The following RALGAPA2 variants were observed in gnomAD, a reference collection of about 807,000 sequenced individuals.
RALGAPA2 encodes ral GTPase-activating protein subunit alpha-2.
Under a neutral mutation model 230.4 loss-of-function variants are expected in RALGAPA2, and 139 were observed. The ratio of observed to expected loss-of-function variants is 0.60; its 90% CI spans 0.53 to 0.69. The LOEUF is 0.69. Among genes scored for constraint, RALGAPA2 ranks in the 30% least tolerant of loss-of-function variants. The pLI, the probability that RALGAPA2 is intolerant of heterozygous loss-of-function variation, is 0.00. For synonymous variants in RALGAPA2, 847 were observed against 837.8 expected (o/e 1.01, Z -0.19); for missense variants, 2,163 against 2,276.0 (o/e 0.95, Z 1.01).
chr20:20,529,395 A>T lies in RALGAPA2; in HGVS notation c.3582+2292T>A, dbSNP rs184275767. 2.1e-3 allele frequency among the ~76,000 whole-genome samples: 321 copies of T among 152,194 alleles called. 2 individuals carry two copies. Among genetic ancestry groups the T allele is most frequent in the Non-Finnish European group, 3.5e-3 (240 of 68,000 alleles). ...TCTGGTGTCTTATATTTTCCCCCAT[A>T]ATTATAGAAAAGTTGCAGAAAGAAT... On this transcript the variant is annotated intron_variant, in intron 27 of 39. Coordinates refer to ENST00000202677, the MANE Select transcript of RALGAPA2 (RefSeq NM_020343.4).
intron 16 of RALGAPA2, among the ~76,000 whole-genome samples, chr20:20,592,235 C>T (rs1032230410): frequency 6.6e-6 from 1 of 152,172 alleles, no homozygotes; most frequent in African/African-American, 2.4e-5. Flanking sequence ...CCTCTTAAAA[C>T]CCACCAAAGC....
intron 3 of RALGAPA2, among the ~76,000 whole-genome samples, chr20:20,669,421 TC>T (rs1169788229): frequency 6.6e-6 from 1 of 152,156 alleles, no homozygotes; most frequent in East Asian, 1.9e-4. Flanking sequence ...AGATAGTGGC[TC>T]AGAGCATGTT....
chr20:20,459,704 A>G (rs535030680), intron 37 of RALGAPA2, among the ~76,000 whole-genome samples: 10 of 152,336 alleles, frequency 6.6e-5, no homozygotes, highest in African/African-American at 2.4e-4. Context: ...CAGCGTATGA[A>G]TATCTTTTTG....
chr20:20,597,189 T>C (rs183381192), intron 16 of RALGAPA2, among the ~76,000 whole-genome samples: 13 of 152,284 alleles, frequency 8.5e-5, no homozygotes, highest in Admixed American at 3.3e-4. Context: ...AGAAAACTTT[T>C]CACCATGAAA....
chr20:20,633,440 G>C (rs2066754632), intron 9 of RALGAPA2, among the ~76,000 whole-genome samples: 1 of 150,830 alleles, frequency 6.6e-6, no homozygotes, highest in South Asian at 2.1e-4. Flanking sequence ...CAGCCTACTG[G>C]GTCTTATTTC....
At chr20:20,536,908 C>T in intron 24 of RALGAPA2, 124 bp from the exon 25 acceptor site, 1 of 1,132,414 alleles carries the variant, frequency 8.8e-7, no homozygotes, top group Admixed American at 3.0e-5. Flanking sequence ...TATTCTCTTC[C>T]AAGTGCATAT....
At chr20:20,422,292 T>C (rs529878207) in intron 37 of RALGAPA2, among the ~76,000 whole-genome samples, 55 of 152,324 alleles carry the variant, frequency 3.6e-4, no homozygotes, top group Admixed American at 9.8e-4. Context: ...CTGTGAATTA[T>C]ATCTCAATAA....
Position 20,493,685 on chromosome 20 carries a change from T to C in RALGAPA2, c.5367+1432A>G, listed in dbSNP as rs116676481. The stretch of plus-strand genomic sequence containing the variant: ...TATTAAAGAAACACATTTCCTCTTT[T>C]TGAAAGCTATAAGACACTAAATTCA... On this transcript the variant is annotated intron_variant, in intron 36 of 39. Transcript: ENST00000202677. Among the ~76,000 whole-genome samples the C allele has an allele frequency of 6.4e-3, 977 of 152,302 alleles. 10 individuals are homozygous for C. Among genetic ancestry groups the C allele is most frequent in the African/African-American group, 0.022 (928 of 41,568 alleles).
intron 16 of RALGAPA2, among the ~76,000 whole-genome samples, chr20:20,594,432 T>G (rs921146512): frequency 7.9e-5 from 12 of 152,096 alleles, no homozygotes; most frequent in Non-Finnish European, 1.8e-4. Flanking sequence ...GAAAATCATT[T>G]TAATAGTGAT....
At chr20:20,632,785 GC>G (rs2066720460) in intron 9 of RALGAPA2, among the ~76,000 whole-genome samples, 2 of 152,148 alleles carry the variant, frequency 1.3e-5, no homozygotes, top group African/African-American at 4.8e-5. Flanking sequence ...TCTATGAGCT[GC>G]CCTTTCATCT....
intron 37 of RALGAPA2, among the ~76,000 whole-genome samples, chr20:20,458,266 TTC>T (rs2061169981): frequency 6.6e-6 from 1 of 151,832 alleles, no homozygotes; most frequent in South Asian, 2.1e-4. Context: ...CGAAGATGGT[TTC>T]TGTTTTCAGA....
At chr20:20,687,361 TC>T (rs2068743092) in intron 1 of RALGAPA2, among the ~76,000 whole-genome samples, 1 of 152,190 alleles carries the variant, frequency 6.6e-6, no homozygotes, top group Non-Finnish European at 1.5e-5. Flanking sequence ...GCTGCCTAGG[TC>T]CCTGGGTAGT....
rs2065667685 is a variant in RALGAPA2, at chr20:20,601,952, G to A, written c.2039-106C>T. The A allele has an allele frequency of 5.8e-6, 6 of 1,038,668 alleles. No homozygotes were observed. In the East Asian group the frequency reaches 1.8e-4, roughly 31 times the overall value. The allele number at this position is 1,038,668 out of a possible 1,614,324, so 64.3% of individuals were successfully genotyped here. ...TACCTACAACTATATATAATCAGCA[G>A]GTTTCCTTGTCACAAATTAAGTACC... On this transcript the variant is annotated intron_variant, in intron 15 of 39. Transcript: ENST00000202677.
intron 34 of RALGAPA2, among the ~76,000 whole-genome samples, chr20:20,503,850 T>C (rs1235746418): frequency 6.6e-6 from 1 of 152,212 alleles, no homozygotes; most frequent in African/African-American, 2.4e-5. Context: ...TTTGGGGGTT[T>C]CTGCTTTTTC....
At chr20:20,410,573 A>C (rs984933320) in intron 38 of RALGAPA2, among the ~76,000 whole-genome samples, 55 of 152,356 alleles carry the variant, frequency 3.6e-4, no homozygotes, top group African/African-American at 1.3e-3. Context: ...TCTTTCACTG[A>C]AAAATTAGAA....
At chr20:20,694,160 G>C (rs558000719) in intron 1 of RALGAPA2, among the ~76,000 whole-genome samples, 2 of 151,854 alleles carry the variant, frequency 1.3e-5, no homozygotes, top group Non-Finnish European at 2.9e-5. Context: ...AAAAAAGTGA[G>C]GGAGGAGGTT....
intron 15 of RALGAPA2, among the ~76,000 whole-genome samples, 199 bp downstream of exon 15, chr20:20,604,976 T>G (rs918599343): frequency 3.9e-5 from 6 of 152,250 alleles, no homozygotes; most frequent in African/African-American, 1.4e-4. Context: ...TCTTCCTTCT[T>G]GCATAGCTTC....
intron 12 of RALGAPA2, among the ~76,000 whole-genome samples, chr20:20,617,160 CA>C (rs2066171557): frequency 1.3e-5 from 2 of 152,166 alleles, no homozygotes; most frequent in South Asian, 2.1e-4. Context: ...TTCAATAACA[CA>C]AACTCAAAGC....
At chr20:20,643,032 A>G (rs965628877) in intron 5 of RALGAPA2, among the ~76,000 whole-genome samples, 2 of 152,234 alleles carry the variant, frequency 1.3e-5, no homozygotes, top group African/African-American at 4.8e-5. Context: ...TGCCACAAAT[A>G]AATATTCAAG....
Sources: gnomAD v4.1 joint callset for allele counts (sites outside exome capture counted in the v4.1 genomes callset) on GRCh38, gnomAD v4.1.1 for gene constraint, MANE v1.5 for transcripts, NCBI Gene and HGNC (gene_info 2026-07-23, HGNC 2026-07-21) for gene names.